KCNK9: variants seen among roughly 807,000 people sequenced by gnomAD.
KCNK9 encodes the protein potassium channel subfamily K member 9.
Under a neutral mutation model 10.8 loss-of-function variants are expected in KCNK9, and 1 was observed. The ratio of observed to expected loss-of-function variants is 0.09; its 90% CI spans 0.03 to 0.44. The LOEUF (loss-of-function observed/expected upper bound fraction) is 0.44. Among genes scored for constraint, KCNK9 ranks in the 20% least tolerant of loss-of-function variants. The probability of loss-of-function intolerance (pLI) is 0.97; values close to 1 mark genes in which losing one functional copy is unlikely to be tolerated. For missense variants in KCNK9, 303 were observed against 515.0 expected, an observed-to-expected ratio of 0.59 and a Z score of 3.98; for synonymous variants, 231 against 222.7, an observed-to-expected ratio of 1.04 and a Z score of -0.33.
intron 1 of KCNK9, among the ~76,000 whole-genome samples, chr8:139,637,109 A>G (rs1384787926): frequency 6.6e-6 from 1 of 152,234 alleles, no homozygotes; most frequent in Non-Finnish European, 1.5e-5. Flanking sequence ...CCGGGAGCCT[A>G]AAAGGCTGTG....
At chr8:139,650,302 G>A (rs949822757) in intron 1 of KCNK9, among the ~76,000 whole-genome samples, 12 of 152,148 alleles carry the variant, frequency 7.9e-5, no homozygotes, top group African/African-American at 1.7e-4. Context: ...TTCACAGCTC[G>A]GAGTTACTGG....
At chr8:139,602,446 C>T (rs1817394666) in intron 2 of KCNK9, among the ~76,000 whole-genome samples, 1 of 152,100 alleles carries the variant, frequency 6.6e-6, no homozygotes, top group Non-Finnish European at 1.5e-5. Context: ...ACTTAGAACG[C>T]AGCAATGCCT....
chr8:139,698,850 A>G (rs1162321451), intron 1 of KCNK9, among the ~76,000 whole-genome samples: 2 of 152,166 alleles, frequency 1.3e-5, no homozygotes, highest in Non-Finnish European at 2.9e-5. Context: ...AAAGGAAGCT[A>G]TCTCAAGGCA....
At chr8:139,644,410 C>A (rs1815607034) in intron 1 of KCNK9, among the ~76,000 whole-genome samples, 2 of 152,218 alleles carry the variant, frequency 1.3e-5, no homozygotes, top group Non-Finnish European at 2.9e-5. Context: ...GACCCACTAA[C>A]TTGATTTCAT....
intron 1 of KCNK9, among the ~76,000 whole-genome samples, chr8:139,671,870 A>G (rs1816436418): frequency 6.6e-6 from 1 of 152,000 alleles, no homozygotes; most frequent in Admixed American, 6.5e-5. Flanking sequence ...CAATTCTTCT[A>G]TTCATAAGTA....
At chr8:139,630,137 C>T (rs7001701) in intron 1 of KCNK9, among the ~76,000 whole-genome samples, 10,551 of 152,154 alleles carry the variant, frequency 0.069, 1,126 homozygotes, top group African/African-American at 0.23. Context: ...GGAACTCAGT[C>T]CCAGTGGTTG....
chr8:139,634,231 G>A (rs976710885), intron 1 of KCNK9, among the ~76,000 whole-genome samples: 1 of 152,220 alleles, frequency 6.6e-6, no homozygotes, highest in Non-Finnish European at 1.5e-5. Context: ...TGGGGAAGGT[G>A]ATTCCCTGAT....
At chr8:139,684,226 C>T (rs1185429973) in intron 1 of KCNK9, among the ~76,000 whole-genome samples, 1 of 152,178 alleles carries the variant, frequency 6.6e-6, no homozygotes, top group African/African-American at 2.4e-5. Context: ...ACTAACACAA[C>T]ATTACTTGGT....
chr8:139,656,453 C>T (rs1315842931), intron 1 of KCNK9, among the ~76,000 whole-genome samples: 1 of 152,146 alleles, frequency 6.6e-6, no homozygotes, highest in East Asian at 1.9e-4. Flanking sequence ...GTGCCCTTCC[C>T]CACTGTCCTG....
intron 1 of KCNK9, among the ~76,000 whole-genome samples, chr8:139,655,906 C>T (rs1038273336): frequency 6.6e-6 from 1 of 152,234 alleles, no homozygotes; most frequent in Non-Finnish European, 1.5e-5. Context: ...TTGGGAATGT[C>T]CCTGGAGGCC....
intron 1 of KCNK9, among the ~76,000 whole-genome samples, chr8:139,676,094 G>A (rs1444219161): frequency 6.6e-6 from 1 of 152,246 alleles, no homozygotes; most frequent in Non-Finnish European, 1.5e-5. Flanking sequence ...GATGGAAGGA[G>A]CCTGGGGCCC....
At chr8:139,661,017 A>G (rs1816138781) in intron 1 of KCNK9, among the ~76,000 whole-genome samples, 1 of 152,198 alleles carries the variant, frequency 6.6e-6, no homozygotes, top group South Asian at 2.1e-4. Context: ...GCCCAACTCA[A>G]AATAACTTTC....
At chr8:139,603,573 T>C (rs762586921) in intron 2 of KCNK9, among the ~76,000 whole-genome samples, 1 of 152,226 alleles carries the variant, frequency 6.6e-6, no homozygotes, top group Non-Finnish European at 1.5e-5. Context: ...AGTAGGCCTG[T>C]CTACAATGAG....
At chr8:139,694,326 C>T (rs186835433) in intron 1 of KCNK9, among the ~76,000 whole-genome samples, 2 of 152,262 alleles carry the variant, frequency 1.3e-5, no homozygotes, top group East Asian at 3.9e-4. Context: ...GTGGAGGAGG[C>T]GAGGAAACCT....
rs1816987780 is a variant in KCNK9, at chr8:139,693,790, G to T, written c.283+8920C>A. Among the ~76,000 whole-genome samples, 1 of 152,146 alleles carries T rather than the reference G, an allele frequency of 6.6e-6. No individual in the cohort carries two copies. The highest frequency in any genetic ancestry group is 2.1e-4 in the South Asian group (1 of 4,820). ...AAGCTGAGGACCTGGGTCTGATTCT[G>T]CAGGGGATGGGGAGCTGCTGGGGTC... On this transcript the variant is annotated intron_variant, in intron 1 of 1. Transcript: ENST00000520439. The surrounding 1 kb of genome is among the most constrained non-coding windows in gnomAD (Gnocchi z 4.1).
chr8:139,604,092 G>T (rs1251489834), intron 2 of KCNK9, among the ~76,000 whole-genome samples: 1 of 152,176 alleles, frequency 6.6e-6, no homozygotes, highest in Non-Finnish European at 1.5e-5. Flanking sequence ...TAATGTTTGG[G>T]GTAGGAGGAG....
chr8:139,603,298 G>A (rs1490716073), intron 2 of KCNK9, among the ~76,000 whole-genome samples: 6 of 152,204 alleles, frequency 3.9e-5, no homozygotes, highest in Admixed American at 2.6e-4. Flanking sequence ...TGAATGACCA[G>A]CAGCAGGGGT....
intron 1 of KCNK9, among the ~76,000 whole-genome samples, chr8:139,670,856 G>A (rs7833765): frequency 0.4 from 60,835 of 152,012 alleles, 14,112 homozygotes; most frequent in Non-Finnish European, 0.53. Flanking sequence ...TGGGTGGCCC[G>A]CCTCCCCAGC....
intron 1 of KCNK9, among the ~76,000 whole-genome samples, chr8:139,678,906 T>C (rs974081159): frequency 1.3e-5 from 2 of 152,038 alleles, no homozygotes; most frequent in Non-Finnish European, 2.9e-5. Flanking sequence ...TAAATCCAGC[T>C]TTTACATCTA....
Sources: allele counts gnomAD v4.1 joint callset (sites outside exome capture counted in the v4.1 genomes callset), GRCh38; gene constraint gnomAD v4.1.1; non-coding constraint Gnocchi (gnomAD v3.1); transcripts MANE v1.5; gene names NCBI Gene and HGNC (gene_info 2026-07-23, HGNC 2026-07-21).